The following CCDC50 variants were observed in gnomAD, a reference collection of about 807,000 sequenced individuals.
The protein encoded by CCDC50 is coiled-coil domain containing 50, also known as coiled-coil domain-containing protein 50.
In CCDC50, 54 loss-of-function variants were observed where a neutral mutation model predicts 70.2. That is an observed-to-expected ratio of 0.77 (90% CI 0.62 to 0.96). The LOEUF (loss-of-function observed/expected upper bound fraction) is 0.96, where lower values mean the gene tolerates loss of function less well. Among genes scored for constraint, CCDC50 ranks in the 50% least tolerant of loss-of-function variants. CCDC50 has a pLI of 0.00. For synonymous variants in CCDC50, 216 were observed against 198.8 expected (o/e 1.09, Z -0.73); for missense variants, 558 against 578.7 (o/e 0.96, Z 0.37).
At chr3:191,359,799 T>C (rs1220652092) in intron 3 of CCDC50, among the ~76,000 whole-genome samples, 1 of 152,198 alleles carries the variant, frequency 6.6e-6, no homozygotes, top group Admixed American at 6.5e-5. Flanking sequence ...CTTTACATTA[T>C]TCACAATTCT....
At position 191,329,501 on chromosome 3, in the gene CCDC50, G is replaced by C; in HGVS notation, c.-174G>C. ...CTTGGTGCCTCGGGGACCGTCTCCCGCTGCTTTGGTCACCAGCCCCTGCCC... is the reference window on the plus strand; with the variant it reads ...CTTGGTGCCTCGGGGACCGTCTCCCCCTGCTTTGGTCACCAGCCCCTGCCC... On this transcript the variant is annotated 5_prime_UTR_variant, in exon 1 of 12. Transcript: ENST00000392455. The C allele has an allele frequency of 1.8e-6, 1 of 556,788 alleles. No homozygotes were observed. The highest frequency in any genetic ancestry group is 3.0e-6 in the Non-Finnish European group (1 of 331,006). The allele number at this position is 556,788 out of a possible 1,614,324, so 34.5% of individuals were successfully genotyped here.
Position 191,380,798 on chromosome 3 carries a change from A to G in CCDC50, c.1138-30A>G, listed in dbSNP as rs750383173. 51 of 1,610,934 alleles carry G rather than the reference A, an allele frequency of 3.2e-5. No homozygotes were observed. The Admixed American group carries it at 8.4e-4, about 26-fold the overall frequency. On this transcript the variant is annotated intron_variant, in intron 8 of 11. Coordinates refer to ENST00000392455, the MANE Select transcript of CCDC50 (RefSeq NM_178335.3). ...AGTATATTTCTATCTGCACCTCTGC[A>G]GTTAATGATATTGACTGTATTTTGT... is the stretch of plus-strand genomic sequence containing the variant.
rs748756584 is a variant in CCDC50 at position 191,352,658 on chromosome 3, A to G, written c.50-4430A>G. On this transcript the variant is annotated intron_variant, in intron 1 of 11. Coordinates refer to ENST00000392455, the MANE Select transcript of CCDC50 (RefSeq NM_178335.3). The stretch of plus-strand genomic sequence containing the variant: ...AGACTATAGTGTAAACATAACTTTT[A>G]TATGTACTAGGAAACCAAAAAATCG... Among the ~76,000 whole-genome samples, 5 of 142,350 alleles carry G rather than the reference A, an allele frequency of 3.5e-5. 2 individuals are homozygous for G. The highest frequency in any genetic ancestry group is 7.5e-5 in the African/African-American group (3 of 39,902). 93.4% of individuals were successfully genotyped at this position (142,350 alleles called of 152,430 possible).
At position 191,398,487 on chromosome 3, in the gene CCDC50, A is replaced by C. The variant is rs1713933133; in HGVS notation, c.*6727A>C. ...TTCTTTACAGCATTCAAGGACAGGGAAACTTACGAGAGTCTTATTATAATT... is the reference window on the plus strand; with the variant it reads ...TTCTTTACAGCATTCAAGGACAGGGCAACTTACGAGAGTCTTATTATAATT... On this transcript the variant is annotated 3_prime_UTR_variant, in exon 12 of 12. Coordinates refer to ENST00000392455, the MANE Select transcript of CCDC50 (RefSeq NM_178335.3). The C allele has an allele frequency of 6.6e-6, 1 of 152,172 alleles. No individual in the cohort carries two copies. The highest frequency in any genetic ancestry group is 1.5e-5 in the Non-Finnish European group (1 of 68,034). 9.4% of individuals were successfully genotyped at this position (152,172 alleles called of 1,614,324 possible). A position where few individuals can be genotyped will look rare whatever the true frequency, so the allele number is the denominator to read the frequency against.
chr3:191,353,186 C>A (rs949951368), intron 1 of CCDC50, among the ~76,000 whole-genome samples: 1 of 142,038 alleles, frequency 7.0e-6, no homozygotes. Flanking sequence ...TAGCCACCAT[C>A]CCTAACACTG....
intron 1 of CCDC50, among the ~76,000 whole-genome samples, chr3:191,346,226 A>G (rs1363384307): frequency 6.6e-6 from 1 of 152,196 alleles, no homozygotes; most frequent in Non-Finnish European, 1.5e-5. Flanking sequence ...CACTGTTTAG[A>G]TGCTTATATT....
Position 191,346,940 on chromosome 3 carries a change from G to A in CCDC50, c.50-10148G>A, listed in dbSNP as rs1711948367. 4.1e-5 allele frequency among the ~76,000 whole-genome samples: 4 copies of A among 98,400 alleles called. 1 individual carries two copies. The South Asian group carries it at 1.1e-3, about 28-fold the overall frequency. The allele number at this position is 98,400 out of a possible 152,430, so 64.6% of individuals were successfully genotyped here. A position where few individuals can be genotyped will look rare whatever the true frequency, so the allele number is the denominator to read the frequency against. The stretch of plus-strand genomic sequence containing the variant: ...TGACTGAAATTTAGAAGTATTTGAG[G>A]AAACTAGGAAGCCCAGTCTGCCATT... On this transcript the variant is annotated intron_variant, in intron 1 of 11. Transcript: ENST00000392455.
At position 191,375,573 on chromosome 3, in the gene CCDC50, C is replaced by A. The variant is rs769627750; in HGVS notation, c.960C>A (p.Leu320=). ...TPPFSESEEQ[L]HLHDAGMKPR... ...CATTCTCAGAGAGTGAGGAGCAGCT[C>A]CACCTCCATGACGCAGGTAATAGAG... Residue 320 remains leucine (L), a synonymous_variant, in exon 6 of 12, where the codon CTC becomes CTA. Coordinates refer to ENST00000392455, the MANE Select transcript of CCDC50 (RefSeq NM_178335.3). The A allele has an allele frequency of 1.2e-5, 20 of 1,612,914 alleles. No homozygotes were observed. The Admixed American group carries it at 2.3e-4, about 19-fold the overall frequency.
In CCDC50 at chr3:191,375,391, C is replaced by T; in HGVS notation, c.778C>T (p.His260Tyr). The T allele has an allele frequency of 1.2e-6, 2 of 1,613,722 alleles. No homozygotes were observed. Among genetic ancestry groups the T allele is most frequent in the South Asian group, 1.1e-5 (1 of 91,038 alleles). Residue 260 changes from histidine (H) to tyrosine (Y), a missense_variant, in exon 6 of 12, where the codon CAT (histidine) becomes TAT (tyrosine). Coordinates refer to ENST00000392455, the MANE Select transcript of CCDC50 (RefSeq NM_178335.3). ...ECDDWETKIN[H>Y]QTRNWEKQSR... ...TGATGACTGGGAGACTAAGATTAACCATCAGACTCGAAATTGGGAAAAACA... is the reference window on the plus strand; with the variant it reads ...TGATGACTGGGAGACTAAGATTAACTATCAGACTCGAAATTGGGAAAAACA...
At chr3:191,359,902 A>G (rs1194133727) in intron 3 of CCDC50, among the ~76,000 whole-genome samples, 1 of 152,218 alleles carries the variant, frequency 6.6e-6, no homozygotes, top group South Asian at 2.1e-4. Flanking sequence ...GAAATTATCA[A>G]GACAAACCAC....
Position 191,380,859 on chromosome 3 carries a change from A to G in CCDC50, c.1169A>G (p.Lys390Arg). The change falls in exon 9 of 12, where the codon AAG (lysine) becomes AGG (arginine). Residue 390 changes from lysine (K) to arginine (R), a missense_variant. Transcript: ENST00000392455. ...EIARLLMAEE[K>R]KAYKKAKERE... The stretch of plus-strand genomic sequence containing the variant: ...GCTCGACTTCTAATGGCTGAAGAAA[A>G]GAAAGCTTACAAAAAAGCCAAGGAG... 9 of 1,613,092 alleles carry G rather than the reference A, an allele frequency of 5.6e-6. No individual in the cohort carries two copies. Among genetic ancestry groups the G allele is most frequent in the Non-Finnish European group, 7.6e-6 (9 of 1,179,326 alleles).
chr3:191,388,830 AGAAT>A (rs1349372418), intron 10 of CCDC50, among the ~76,000 whole-genome samples: 1 of 152,192 alleles, frequency 6.6e-6, no homozygotes, highest in African/African-American at 2.4e-5. Context: ...TGGGAGATAA[AGAAT>A]GAGAGGTTTT....
chr3:191,356,970 T>A (rs1712306316), intron 1 of CCDC50, 118 bp from the exon 2 acceptor site: 3 of 729,768 alleles, frequency 4.1e-6, no homozygotes, highest in Non-Finnish European at 7.3e-6. Flanking sequence ...TTATAAAGTG[T>A]GTCATTCTGA....
chr3:191,350,987 T>C (rs1410080240), intron 1 of CCDC50, among the ~76,000 whole-genome samples: 2 of 140,674 alleles, frequency 1.4e-5, no homozygotes, highest in East Asian at 1.9e-4. Flanking sequence ...TTTAGGGGTA[T>C]GTGTGTATGT....
At chr3:191,368,295 C>A (rs980419013) in intron 4 of CCDC50, among the ~76,000 whole-genome samples, 33 of 152,004 alleles carry the variant, frequency 2.2e-4, no homozygotes, top group Admixed American at 6.6e-5. Context: ...ATTATGATAT[C>A]TTTTACCTCT....
At chr3:191,352,803 G>A (rs1426810002) in intron 1 of CCDC50, among the ~76,000 whole-genome samples, 1 of 141,898 alleles carries the variant, frequency 7.0e-6, no homozygotes, top group African/African-American at 2.5e-5. Flanking sequence ...TGAGAATGGG[G>A]ATAGGGTTCT....
rs1036601791 is a variant in CCDC50, at chr3:191,395,514, A to G, written c.*3754A>G. On this transcript the variant is annotated 3_prime_UTR_variant, in exon 12 of 12. Coordinates refer to ENST00000392455, the MANE Select transcript of CCDC50 (RefSeq NM_178335.3). Reference sequence around the variant, plus strand: ...CAAGATGATTCATTATTCAGTGATTATTTTCTTGAAAGATAACTATGATGA... The same window carrying G: ...CAAGATGATTCATTATTCAGTGATTGTTTTCTTGAAAGATAACTATGATGA... The G allele has an allele frequency of 6.6e-6, 1 of 152,140 alleles. No individual in the cohort carries two copies. The highest frequency in any genetic ancestry group is 6.6e-5 in the Admixed American group (1 of 15,264). The allele number at this position is 152,140 out of a possible 1,614,324, so 9.4% of individuals were successfully genotyped here.
chr3:191,340,298 G>A (rs1032284820), intron 1 of CCDC50, among the ~76,000 whole-genome samples: 16 of 152,106 alleles, frequency 1.1e-4, no homozygotes, highest in African/African-American at 2.4e-4. Flanking sequence ...ATTTGCTTGC[G>A]CCTTATATAC....
At chr3:191,371,031 T>C (rs1248841095) in intron 5 of CCDC50, among the ~76,000 whole-genome samples, 2 of 152,204 alleles carry the variant, frequency 1.3e-5, no homozygotes, top group Non-Finnish European at 2.9e-5. Flanking sequence ...AGGTATACCA[T>C]GCATCAGTTA....
Sources: allele counts gnomAD v4.1 joint callset (sites outside exome capture counted in the v4.1 genomes callset), GRCh38; gene constraint gnomAD v4.1.1; transcripts MANE v1.5; gene names NCBI Gene and HGNC (gene_info 2026-07-23, HGNC 2026-07-21).